Variants in SFXN1 observed in about 807,000 individuals in gnomAD.
SFXN1 encodes sideroflexin 1.
Under a neutral mutation model 39.5 loss-of-function variants are expected in SFXN1, and 32 were observed. The ratio of observed to expected loss-of-function variants is 0.81; its 90% CI spans 0.61 to 1.09. SFXN1 has a LOEUF of 1.09. Ranked by LOEUF, SFXN1 falls within the 50% of genes least tolerant of loss-of-function variation. SFXN1 has a pLI of 0.00. For missense variants in SFXN1, 402 were observed against 407.1 expected (o/e 0.99, Z 0.11); for synonymous variants, 136 against 146.5 (o/e 0.93, Z 0.52).
Position 175,513,487 on chromosome 5 carries a change from C to T in SFXN1, c.621C>T (p.Val207=), listed in dbSNP as rs375933160. 31 of 1,613,830 alleles carry T rather than the reference C, an allele frequency of 1.9e-5. No homozygotes were observed. Among genetic ancestry groups the T allele is most frequent in the Non-Finnish European group, 2.6e-5 (31 of 1,179,934 alleles). The part of the protein sequence containing the change: ...RQRELKVGIP[V]TDENGNRLGE... ...GGGAACTCAAAGTTGGCATTCCCGT[C>T]ACGGATGAGAATGGGAACCGCTTGG... The change falls in exon 7 of 11, where the codon GTC becomes GTT. Residue 207 remains valine (V), a synonymous_variant. Transcript: ENST00000321442.
chr5:175,488,412 C>T (rs1284051796), intron 1 of SFXN1, among the ~76,000 whole-genome samples: 3 of 152,096 alleles, frequency 2.0e-5, no homozygotes, highest in East Asian at 1.9e-4. Context: ...AAGCCACTCT[C>T]CTGCCTCAGC....
intron 2 of SFXN1, among the ~76,000 whole-genome samples, chr5:175,507,216 G>GACACCATTC (rs1760340816): frequency 1.3e-5 from 2 of 151,942 alleles, no homozygotes; most frequent in Admixed American, 6.6e-5. Context: ...TTCCTATAAG[G>GACACCATTC]ACACCATTCA....
At chr5:175,505,850 A>T (rs1397123372) in intron 2 of SFXN1, among the ~76,000 whole-genome samples, 1 of 152,156 alleles carries the variant, frequency 6.6e-6, no homozygotes, top group African/African-American at 2.4e-5. Flanking sequence ...ACTTAGTTTC[A>T]TTCTTGTTGC....
chr5:175,484,850 C>G (rs1221343881), intron 1 of SFXN1, among the ~76,000 whole-genome samples: 1 of 152,202 alleles, frequency 6.6e-6, no homozygotes, highest in African/African-American at 2.4e-5. Context: ...TGCGCACCAC[C>G]ACGCTCAGTG....
chr5:175,513,256 G>C (rs1482127500), intron 6 of SFXN1, among the ~76,000 whole-genome samples: 1 of 127,798 alleles, frequency 7.8e-6, no homozygotes, highest in Non-Finnish European at 1.6e-5. Context: ...AGTGGAGATA[G>C]CCACCACTAC....
At position 175,482,870 on chromosome 5, in the gene SFXN1, G is replaced by A. The variant is rs111543500; in HGVS notation, c.-10+4231G>A. Among the ~76,000 whole-genome samples the A allele has an allele frequency of 1.0e-3, 155 of 152,250 alleles. 1 individual carries two copies. The highest frequency in any genetic ancestry group is 3.4e-3 in the African/African-American group (142 of 41,536). ...CCATAGGTTATCAGGGTAGATGCTC[G>A]GGAAATTACACCACAGGGCGGGGGG... On this transcript the variant is annotated intron_variant, in intron 1 of 10. Coordinates refer to ENST00000321442, the MANE Select transcript of SFXN1 (RefSeq NM_022754.7).
At position 175,526,760 on chromosome 5, in the gene SFXN1, A is replaced by G; in HGVS notation, c.*26A>G. 4 of 1,566,802 alleles carry G rather than the reference A, an allele frequency of 2.6e-6. No homozygotes were observed. In the South Asian group the frequency reaches 4.4e-5, roughly 17 times the overall value. On this transcript the variant is annotated 3_prime_UTR_variant, in exon 11 of 11. Coordinates refer to ENST00000321442, the MANE Select transcript of SFXN1 (RefSeq NM_022754.7). The stretch of plus-strand genomic sequence containing the variant: ...AGCAGGGAGGAAACCTCTGCAGCTC[A>G]TTCTGCCACTGCAAAGCTGGTGTAG...
intron 2 of SFXN1, among the ~76,000 whole-genome samples, chr5:175,493,723 G>A (rs1209094806): frequency 6.6e-6 from 1 of 152,194 alleles, no homozygotes; most frequent in Non-Finnish European, 1.5e-5. Context: ...CAGTGGTAAA[G>A]GACCAACATC....
chr5:175,492,225 A>G lies in SFXN1; in HGVS notation c.122A>G (p.Asn41Ser), dbSNP rs147159476. 11 of 1,613,522 alleles carry G rather than the reference A, an allele frequency of 6.8e-6. No individual in the cohort carries two copies. In the African/African-American group the frequency reaches 1.3e-4, roughly 20 times the overall value. The change falls in exon 2 of 11, where the codon AAC (asparagine) becomes AGC (serine). Residue 41 changes from asparagine (N) to serine (S), a missense_variant. Physicochemically the swap from Asn to Ser is conservative, Grantham distance 46. Coordinates refer to ENST00000321442, the MANE Select transcript of SFXN1 (RefSeq NM_022754.7). ...VTDPRNILLT[N>S]EQLESARKIV... ...GACCCCAGGAACATTCTGTTAACCAACGAACAACTCGAGAGTGCGAGAAAA... is the reference window on the plus strand; with the variant it reads ...GACCCCAGGAACATTCTGTTAACCAGCGAACAACTCGAGAGTGCGAGAAAA...
chr5:175,513,312 AAAAAAAAAAAAAC>A (rs2113341832), intron 6 of SFXN1, 138 bp from the exon 7 acceptor site: 7 of 722,766 alleles, frequency 9.7e-6, no homozygotes, highest in South Asian at 4.8e-5. Flanking sequence ...AAAAAAAAAA[AAAAAAAAAAAAAC>A]AGATGTGTCA....
At position 175,521,938 on chromosome 5, in the gene SFXN1, C is replaced by T. The variant is rs764391057; in HGVS notation, c.794C>T (p.Ala265Val). The change falls in exon 9 of 11, where the codon GCA becomes GTA. Residue 265 changes from alanine to valine, a missense_variant. Transcript: ENST00000321442. ...ACACAGAGGTTCCCATGGATGAGTG[C>T]ACCCATTCAAGTTGGGTTAGTTGGC... ...AFLKRFPWMS[A>V]PIQVGLVGFC... 6.9e-6 allele frequency: 11 copies of T among 1,602,546 alleles called. No individual in the cohort carries two copies. Among genetic ancestry groups the T allele is most frequent in the Admixed American group, 1.7e-5 (1 of 59,920 alleles).
At chr5:175,484,083 C>CACG (rs34745416) in intron 1 of SFXN1, 3 of 152,190 alleles carry the variant, frequency 2.0e-5, no homozygotes, top group African/African-American at 7.2e-5. Context: ...CATGATTATT[C>CACG]CTGTTCCCAG....
intron 6 of SFXN1, among the ~76,000 whole-genome samples, chr5:175,512,979 A>G (rs182021866): frequency 2.6e-5 from 4 of 152,290 alleles, no homozygotes; most frequent in Non-Finnish European, 5.9e-5. Context: ...CTATCAAAGG[A>G]GGATTAAACT....
At chr5:175,480,602 T>C (rs1259114672) in intron 1 of SFXN1, among the ~76,000 whole-genome samples, 1 of 152,198 alleles carries the variant, frequency 6.6e-6, no homozygotes, top group Non-Finnish European at 1.5e-5. Flanking sequence ...TTAGCTGTTC[T>C]TAATTTTCTG....
chr5:175,511,639 T>C lies in SFXN1; in HGVS notation c.510+113T>C. The C allele has an allele frequency of 7.1e-6, 6 of 846,826 alleles. No individual in the cohort carries two copies. The Middle Eastern group carries it at 6.9e-4, about 97-fold the overall frequency. 52.5% of individuals were successfully genotyped at this position (846,826 alleles called of 1,614,324 possible). A position where few individuals can be genotyped will look rare whatever the true frequency, so the allele number is the denominator to read the frequency against. ...TTCAAGTCATATGGCTTTCTTGTTA[T>C]AGTGCTTATCTTCAGCTGCATATTT... On this transcript the variant is annotated intron_variant, in intron 5 of 10. Coordinates refer to ENST00000321442, the MANE Select transcript of SFXN1 (RefSeq NM_022754.7).
At chr5:175,500,805 C>G (rs1488267991) in intron 2 of SFXN1, among the ~76,000 whole-genome samples, 3 of 152,108 alleles carry the variant, frequency 2.0e-5, no homozygotes, top group African/African-American at 7.2e-5. Flanking sequence ...GAAGAGAATC[C>G]TGAAATAGGC....
chr5:175,480,760 T>A (rs931755431), intron 1 of SFXN1, among the ~76,000 whole-genome samples: 2 of 152,200 alleles, frequency 1.3e-5, no homozygotes, highest in Admixed American at 1.3e-4. Context: ...TCATCAAACG[T>A]TGTTGTTCTG....
Position 175,496,723 on chromosome 5 carries a change from T to C in SFXN1, c.164+4456T>C, listed in dbSNP as rs574753002. On this transcript the variant is annotated intron_variant, in intron 2 of 10. Transcript: ENST00000321442. The stretch of plus-strand genomic sequence containing the variant: ...AATACCTGAAGCTTGCATGATGTAA[T>C]TGTACTTACGAAATTACAGTACATT... 1.2e-4 allele frequency among the ~76,000 whole-genome samples: 19 copies of C among 152,318 alleles called. 1 individual carries two copies. Among genetic ancestry groups the C allele is most frequent in the South Asian group, 1.2e-3 (6 of 4,832 alleles).
rs145917981 is a variant in SFXN1 at position 175,512,365 on chromosome 5, G to A, written c.596+169G>A. 3.5e-3 allele frequency among the ~76,000 whole-genome samples: 526 copies of A among 152,276 alleles called. 5 individuals are homozygous for A. The highest frequency in any genetic ancestry group is 0.011 in the African/African-American group (472 of 41,556). ...TCTGGGGTTGGGGATGAGGATGGGC[G>A]TCTTGAGAAAACAAGCTTAGCGATG... On this transcript the variant is annotated intron_variant, in intron 6 of 10. Coordinates refer to ENST00000321442, the MANE Select transcript of SFXN1 (RefSeq NM_022754.7).
Sources: allele counts gnomAD v4.1 joint callset (sites outside exome capture counted in the v4.1 genomes callset), GRCh38; gene constraint gnomAD v4.1.1; transcripts MANE v1.5; gene names NCBI Gene and HGNC (gene_info 2026-07-23, HGNC 2026-07-21).